Variants in HGD observed in about 807,000 individuals in gnomAD.
HGD encodes homogentisate 1,2-dioxygenase, also known as homogentisate oxidase.
A neutral mutation model predicts 60.8 loss-of-function variants in HGD; 61 were observed. The observed-to-expected ratio is 1.00, with a 90% CI of 0.82 to 1.24. The LOEUF (loss-of-function observed/expected upper bound fraction) is 1.24. Among genes scored for constraint, HGD ranks in the 50% most tolerant of loss-of-function variants. HGD has a pLI of 0.00. For missense variants in HGD, 542 were observed against 547.1 expected (o/e 0.99, Z 0.09); for synonymous variants, 212 against 187.7 (o/e 1.13, Z -1.06).
At chr3:120,674,550 T>TAAAACAAAACAAAACAAAAC (rs75770716) in intron 3 of HGD, 3,478 of 283,020 alleles carry the variant, frequency 0.012, 43 homozygotes, top group Non-Finnish European at 0.02. Flanking sequence ...TTAGTCATTA[T>TAAAACAAAACAAAACAAAAC]AAAACAAAAC....
In HGD at chr3:120,665,785, A is replaced by C. The variant is rs528976479; in HGVS notation, c.282+4642T>G. Among the ~76,000 whole-genome samples the C allele has an allele frequency of 3.3e-5, 5 of 152,366 alleles. No homozygotes were observed. In the South Asian group the frequency reaches 1.0e-3, roughly 32 times the overall value. On this transcript the variant is annotated intron_variant, in intron 4 of 13. Coordinates refer to ENST00000283871, the MANE Select transcript of HGD (RefSeq NM_000187.4). Reference sequence around the variant, plus strand: ...ATCATCAGGCAGTCCTCAGGTCTTCAAATTCCCAGAGATGACTAATGTGGA... The same window carrying C: ...ATCATCAGGCAGTCCTCAGGTCTTCCAATTCCCAGAGATGACTAATGTGGA...
At chr3:120,645,032 T>C (rs535487146) in intron 9 of HGD, among the ~76,000 whole-genome samples, 34 of 152,218 alleles carry the variant, frequency 2.2e-4, no homozygotes, top group African/African-American at 7.2e-4. Context: ...AGGAAATAAA[T>C]CAAAAGACCA....
chr3:120,642,474 A>C (rs1238451124), intron 10 of HGD, among the ~76,000 whole-genome samples: 2 of 152,258 alleles, frequency 1.3e-5, no homozygotes. Context: ...AATTATAAAG[A>C]AGGGTGTTAC....
intron 4 of HGD, 81 bp from the exon 5 acceptor site, chr3:120,652,732 T>C (rs764109077): frequency 1.0e-6 from 1 of 953,184 alleles, no homozygotes; most frequent in Non-Finnish European, 1.7e-6. Context: ...ATCAATTACA[T>C]AGAAAAGAAA....
At chr3:120,680,229 GATTTC>G (rs1361477185) in intron 1 of HGD, among the ~76,000 whole-genome samples, 3 of 152,096 alleles carry the variant, frequency 2.0e-5, no homozygotes, top group Non-Finnish European at 4.4e-5. Context: ...GTGTAAATGT[GATTTC>G]ATTTACGGCT....
rs1031569954 is a variant in HGD, at chr3:120,646,986, A to C, written c.536T>G (p.Ile179Ser). Residue 179 changes from isoleucine (I) to serine (S), a missense_variant, in exon 8 of 14, where the codon ATC becomes AGC. This residue lies in a region of HGD where 537 missense variants were observed against 529.1 expected (regional missense o/e 1.01). Coordinates refer to ENST00000283871, the MANE Select transcript of HGD (RefSeq NM_000187.4). Reference protein sequence around the residue: ...FGKMLVQPNEICVIQRGMRFS... With the variant: ...FGKMLVQPNESCVIQRGMRFS... Reference sequence around the variant, plus strand: ...CACATCACCAACCTGAATGACGCAGATCTCATTGGGCTGTACAAGCATCTT... The same window carrying C: ...CACATCACCAACCTGAATGACGCAGCTCTCATTGGGCTGTACAAGCATCTT... 5 of 1,613,676 alleles carry C rather than the reference A, an allele frequency of 3.1e-6. No individual in the cohort carries two copies. The highest frequency in any genetic ancestry group is 4.2e-6 in the Non-Finnish European group (5 of 1,179,690).
At chr3:120,668,015 T>A (rs2733784) in intron 4 of HGD, among the ~76,000 whole-genome samples, 1 of 152,060 alleles carries the variant, frequency 6.6e-6, no homozygotes, top group African/African-American at 2.4e-5. Flanking sequence ...AGGGAGGAGC[T>A]GAATGCCTCG....
intron 4 of HGD, among the ~76,000 whole-genome samples, chr3:120,668,509 A>G (rs554750268): frequency 6.6e-6 from 1 of 150,768 alleles, no homozygotes; most frequent in East Asian, 2.0e-4. Flanking sequence ...GGTTGTGGAA[A>G]GTGGCGGGGT....
rs753299420 is a variant in HGD, at chr3:120,647,833, G to A, written c.469+44C>T. On this transcript the variant is annotated intron_variant, in intron 7 of 13. Coordinates refer to ENST00000283871, the MANE Select transcript of HGD (RefSeq NM_000187.4). ...AAAATTAGAAAGCAGCTTGCGGTTAGGGGTCAATTAACAGTGAGGGGGTCT... is the reference window on the plus strand; with the variant it reads ...AAAATTAGAAAGCAGCTTGCGGTTAAGGGTCAATTAACAGTGAGGGGGTCT... 2.7e-6 allele frequency: 4 copies of A among 1,473,280 alleles called. No individual in the cohort carries two copies. In the Admixed American group the frequency reaches 5.0e-5, roughly 18 times the overall value. 91.3% of individuals were successfully genotyped at this position (1,473,280 alleles called of 1,614,324 possible).
At position 120,641,640 on chromosome 3, in the gene HGD, C is replaced by G. The variant is rs1160502581; in HGVS notation, c.828G>C (p.Lys276Asn). ...VAWHGNYTPY[K>N]YNLKNFMVIN... is the part of the protein sequence containing the mutation. Reference sequence around the variant, plus strand: ...TAACCATGAAATTCTTCAGGTTGTACTTGTAGGGTGTATAATTCCCGTGCC... The same window carrying G: ...TAACCATGAAATTCTTCAGGTTGTAGTTGTAGGGTGTATAATTCCCGTGCC... Residue 276 changes from lysine (K) to asparagine (N), a missense_variant, in exon 11 of 14, where the codon AAG becomes AAC. Around this residue, in one of 2 missense-constraint regions of HGD, gnomAD observed 537 missense variants for 529.1 expected, o/e 1.01. Coordinates refer to ENST00000283871, the MANE Select transcript of HGD (RefSeq NM_000187.4). The G allele has an allele frequency of 8.7e-6, 14 of 1,613,928 alleles. No individual in the cohort carries two copies. The highest frequency in any genetic ancestry group is 1.2e-5 in the Non-Finnish European group (14 of 1,179,940).
chr3:120,665,771 G>A (rs34002526), intron 4 of HGD, among the ~76,000 whole-genome samples: 46,799 of 152,122 alleles, frequency 0.31, 7,765 homozygotes, highest in Non-Finnish European at 0.37. Context: ...TCATCAGGCA[G>A]TCCTCAGGTC....
chr3:120,674,906 C>T lies in HGD; in HGVS notation c.171G>A (p.Lys57=), dbSNP rs771669017. The change falls in exon 3 of 14, where the codon AAG becomes AAA. Residue 57 remains lysine, a synonymous_variant. Transcript: ENST00000283871. ...SAFTCPRSTN[K]RSWLYRILPS... is the part of the protein sequence containing the mutation. ...AATTCATCTAATCCTTGTACCTTCT[C>T]TTATTGGTGCTCCGTGGACAAGTGA... is the stretch of plus-strand genomic sequence containing the variant. 2.5e-6 allele frequency: 4 copies of T among 1,604,824 alleles called. No homozygotes were observed. Among genetic ancestry groups the T allele is most frequent in the Non-Finnish European group, 3.4e-6 (4 of 1,171,942 alleles).
chr3:120,651,009 C>T (rs895143872), intron 5 of HGD, 144 bp from the exon 6 acceptor site: 2 of 745,960 alleles, frequency 2.7e-6, no homozygotes, highest in East Asian at 5.0e-5. Context: ...ATCCAGGCAG[C>T]CTCTAAGGAG....
intron 6 of HGD, among the ~76,000 whole-genome samples, chr3:120,648,295 G>A (rs1426742224): frequency 6.6e-6 from 1 of 152,218 alleles, no homozygotes; most frequent in East Asian, 1.9e-4. Context: ...CAGGCAGAAG[G>A]AACAGCAAGT....
At position 120,647,034 on chromosome 3, in the gene HGD, A is replaced by G; in HGVS notation, c.488T>C (p.Leu163Pro). The change falls in exon 8 of 14, where the codon CTT becomes CCT. Residue 163 changes from leucine to proline, a missense_variant. Around this residue, in one of 2 missense-constraint regions of HGD, gnomAD observed 537 missense variants for 529.1 expected, o/e 1.01. Transcript: ENST00000283871. ...DFLIVPQKGN[L>P]LIYTEFGKML... ...CTTGCCAAACTCGGTGTAAATGAGA[A>G]GGTTCCCTTTCTGCGGAACTGACAA... 6.2e-7 allele frequency: 1 copy of G among 1,614,092 alleles called. No individual in the cohort carries two copies. Among genetic ancestry groups the G allele is most frequent in the Non-Finnish European group, 8.5e-7 (1 of 1,179,938 alleles).
intron 6 of HGD, 113 bp from the exon 7 acceptor site, chr3:120,648,024 T>C (rs1389281811): frequency 2.3e-6 from 2 of 879,744 alleles, no homozygotes; most frequent in Admixed American, 1.7e-5. Flanking sequence ...GAGCTGGGTA[T>C]AAAATGGGGA....
At chr3:120,663,611 G>A (rs903581191) in intron 4 of HGD, among the ~76,000 whole-genome samples, 7 of 152,114 alleles carry the variant, frequency 4.6e-5, no homozygotes, top group African/African-American at 1.7e-4. Context: ...GCAGGTTTGG[G>A]AATCATGCAA....
intron 4 of HGD, among the ~76,000 whole-genome samples, chr3:120,663,269 G>A (rs1222001247): frequency 6.6e-6 from 1 of 152,168 alleles, no homozygotes; most frequent in Non-Finnish European, 1.5e-5. Context: ...TCAGAGGGGA[G>A]ATGATGACAA....
intron 10 of HGD, among the ~76,000 whole-genome samples, chr3:120,643,616 T>C (rs1941063808): frequency 6.6e-6 from 1 of 152,158 alleles, no homozygotes; most frequent in Non-Finnish European, 1.5e-5. Flanking sequence ...ATAACATACC[T>C]TGGAAAATAT....
Sources: gnomAD v4.1 joint callset for allele counts (sites outside exome capture counted in the v4.1 genomes callset) on GRCh38, gnomAD v4.1.1 for gene constraint, gnomAD v4.1.1 regional missense constraint, MANE v1.5 for transcripts, NCBI Gene and HGNC (gene_info 2026-07-23, HGNC 2026-07-21) for gene names.